The following PRRT4 variants were observed in gnomAD, a reference collection of about 807,000 sequenced individuals.
The protein encoded by PRRT4 is proline-rich transmembrane protein 4.
In PRRT4, 59 loss-of-function variants were observed where a neutral mutation model predicts 55.6. That is an observed-to-expected ratio of 1.06 (90% CI 0.86 to 1.32). The LOEUF is 1.32. PRRT4 is among the 40% of genes most tolerant of loss of function. PRRT4 has a pLI of 0.00. For synonymous variants in PRRT4, 606 were observed against 601.8 expected (o/e 1.01, Z -0.10); for missense variants, 1,217 against 1,222.0 (o/e 1.00, Z 0.06).
Position 128,358,478 on chromosome 7 carries a change from C to A in PRRT4, c.877+203G>T, listed in dbSNP as rs541938417. Among the ~76,000 whole-genome samples, 56 of 152,266 alleles carry A rather than the reference C, an allele frequency of 3.7e-4. No homozygotes were observed. Among genetic ancestry groups the A allele is most frequent in the African/African-American group, 1.3e-3 (55 of 41,516 alleles). On this transcript the variant is annotated intron_variant, in intron 4 of 4. Coordinates refer to ENST00000535159, the Ensembl canonical transcript of PRRT4. This position sits in a 1 kb window ranked among gnomAD's most constrained non-coding sequence, Gnocchi z 4.4. Reference sequence around the variant, plus strand: ...TCTCATTGCAAAACACTCAGGGGACCATTACTTAACTCTGTGTGGGACTTT... The same window carrying A: ...TCTCATTGCAAAACACTCAGGGGACAATTACTTAACTCTGTGTGGGACTTT...
At chr7:128,361,790 C>T (rs911835968), upstream of PRRT4, 3 of 152,616 alleles carry the variant, frequency 2.0e-5, no homozygotes, top group Non-Finnish European at 2.9e-5. Flanking sequence ...CCCCCACACC[C>T]GGGCGGGCAG....
At chr7:128,351,405 G>A (rs1288279840) in exon 5 of PRRT4, 4 of 1,539,154 alleles carry the variant, frequency 2.6e-6, no homozygotes, top group Non-Finnish European at 3.5e-6. Context: ...GGAAGTCCAC[G>A]GTGTAATCGC....
intron 4 of PRRT4, 120 bp from the exon 6 acceptor site, chr7:128,352,798 C>T (rs1797029080): frequency 9.7e-7 from 1 of 1,034,036 alleles, no homozygotes; most frequent in Non-Finnish European, 1.4e-6. Flanking sequence ...ACTTGTCTTA[C>T]ATATGAGACT....
upstream of PRRT4, among the ~76,000 whole-genome samples, chr7:128,361,889 G>A (rs1797267639): frequency 6.6e-6 from 1 of 152,134 alleles, no homozygotes; most frequent in African/African-American, 2.4e-5. Context: ...TCAATCAGCC[G>A]CGGCGGGCGC....
At chr7:128,352,794 C>A in intron 4 of PRRT4, 116 bp from the exon 6 acceptor site, 1 of 1,084,516 alleles carries the variant, frequency 9.2e-7, no homozygotes, top group South Asian at 1.7e-5. Flanking sequence ...ACACACTTGT[C>A]TTACATATGA....
At chr7:128,352,185 C>T (rs755513323) in exon 5 of PRRT4, 2 of 1,429,680 alleles carry the variant, frequency 1.4e-6, no homozygotes, top group Non-Finnish European at 1.8e-6. Flanking sequence ...GCGGGCGCGG[C>T]CGGGCCAGCA....
chr7:128,356,233 CAG>C (rs1424342007), intron 4 of PRRT4, among the ~76,000 whole-genome samples: 3 of 152,036 alleles, frequency 2.0e-5, no homozygotes, highest in Non-Finnish European at 2.9e-5. Context: ...GCCTGGGTGA[CAG>C]AGCAAGACTC....
Position 128,359,321 on chromosome 7 carries a change from G to C in PRRT4, c.652+19C>G. On this transcript the variant is annotated intron_variant, in intron 2 of 4. Transcript: ENST00000535159. ...GGGTGCCCAGCAGGGGCTTTCCTTG[G>C]GATGGGGTGGTTACTCACCAAAGGG... is the stretch of plus-strand genomic sequence containing the variant. 1.3e-6 allele frequency: 2 copies of C among 1,505,354 alleles called. No individual in the cohort carries two copies. Among genetic ancestry groups the C allele is most frequent in the Non-Finnish European group, 1.8e-6 (2 of 1,128,176 alleles). The allele number at this position is 1,505,354 out of a possible 1,614,324, so 93.2% of individuals were successfully genotyped here. A position where few individuals can be genotyped will look rare whatever the true frequency, so the allele number is the denominator to read the frequency against.
intron 4 of PRRT4, among the ~76,000 whole-genome samples, chr7:128,356,271 A>T (rs548893291): frequency 1.4e-4 from 21 of 152,200 alleles, no homozygotes; most frequent in Admixed American, 5.9e-4. Flanking sequence ...AATAAATAAA[A>T]AATAAAATAA....
At chr7:128,351,979 G>A (rs1482174807) in exon 5 of PRRT4, 3 of 1,295,716 alleles carry the variant, frequency 2.3e-6, no homozygotes, top group East Asian at 3.3e-5. Context: ...GGGCGCCCCG[G>A]CCCGCCGCCG....
chr7:128,351,726 G>T, exon 5 of PRRT4: 1 of 1,471,574 alleles, frequency 6.8e-7, no homozygotes. Flanking sequence ...GGAGCGCGAC[G>T]CCCACCTCGC....
chr7:128,359,336 TCACCA>T lies in PRRT4; in HGVS notation c.651_652+3del. On this transcript the variant is annotated splice_donor_variant and splice_donor_region_variant and coding_sequence_variant and intron_variant, in exon 2 of 5. Coordinates refer to ENST00000535159, the Ensembl canonical transcript of PRRT4. LOFTEE classifies it high-confidence loss of function. ...GCTTTCCTTGGGATGGGGTGGTTAC[TCACCA>T]AAGGGTCCCAGGCGCCCAGCAATCT... The T allele has an allele frequency of 6.7e-7, 1 of 1,490,150 alleles. No individual in the cohort carries two copies. Among genetic ancestry groups the T allele is most frequent in the Non-Finnish European group, 8.9e-7 (1 of 1,121,866 alleles). The allele number at this position is 1,490,150 out of a possible 1,614,324, so 92.3% of individuals were successfully genotyped here.
downstream of PRRT4, chr7:128,350,793 A>G: frequency 6.5e-7 from 1 of 1,532,346 alleles, no homozygotes; most frequent in Non-Finnish European, 8.8e-7. Flanking sequence ...TACAGTGTGC[A>G]GGTCTCGGGC....
chr7:128,352,334 A>ACAG, exon 5 of PRRT4: 2 of 1,541,230 alleles, frequency 1.3e-6, no homozygotes, highest in African/African-American at 1.4e-5. Flanking sequence ...GTCCCGGCCG[A>ACAG]CAGCAGCAGC....
exon 2 of PRRT4, chr7:128,359,951 C>T: frequency 6.9e-7 from 1 of 1,439,694 alleles, no homozygotes. Flanking sequence ...AAACAGGACG[C>T]AGCAGAACAG....
chr7:128,361,687 C>T (rs1375955955), upstream of PRRT4: 2 of 152,624 alleles, frequency 1.3e-5, no homozygotes, highest in African/African-American at 2.4e-5. Context: ...CGGCAGCCGG[C>T]TCTGACGGCC....
At chr7:128,351,753 C>T (rs746636732) in exon 5 of PRRT4, 1 of 1,450,904 alleles carries the variant, frequency 6.9e-7, no homozygotes, top group South Asian at 1.4e-5. Flanking sequence ...GCAGGCCTAG[C>T]TGGAAGGCCC....
Position 128,358,626 on chromosome 7 carries a change from C to A in PRRT4, c.877+55G>T, listed in dbSNP as rs1007967203. ...TCCCAGAACACTGATGAGTGACTAG[C>A]ATGTAGTAAGTGCTCAATAAATAAT... is the stretch of plus-strand genomic sequence containing the variant. On this transcript the variant is annotated intron_variant, in intron 4 of 4. Coordinates refer to ENST00000535159, the Ensembl canonical transcript of PRRT4. The surrounding 1 kb of genome is among the most constrained non-coding windows in gnomAD (Gnocchi z 4.4). The A allele has an allele frequency of 1.5e-5, 22 of 1,452,340 alleles. No homozygotes were observed. The highest frequency in any genetic ancestry group is 3.7e-5 in the South Asian group (3 of 81,892). The allele number at this position is 1,452,340 out of a possible 1,614,324, so 90.0% of individuals were successfully genotyped here. A position where few individuals can be genotyped will look rare whatever the true frequency, so the allele number is the denominator to read the frequency against.
At chr7:128,353,085 G>A (rs1419698948) in intron 4 of PRRT4, among the ~76,000 whole-genome samples, 2 of 151,918 alleles carry the variant, frequency 1.3e-5, no homozygotes, top group African/African-American at 4.8e-5. Flanking sequence ...TTGTTTCTTT[G>A]CTCACATCTG....
Sources: gnomAD v4.1 joint callset for allele counts (sites outside exome capture counted in the v4.1 genomes callset) on GRCh38, gnomAD v4.1.1 for gene constraint, Gnocchi (gnomAD v3.1) non-coding constraint, MANE v1.5 for transcripts, NCBI Gene and HGNC (gene_info 2026-07-23, HGNC 2026-07-21) for gene names.